The following ZNF385D variants were observed in gnomAD, a reference collection of about 807,000 sequenced individuals.
The protein encoded by ZNF385D is zinc finger protein 659.
A neutral mutation model predicts 35.8 loss-of-function variants in ZNF385D; 15 were observed. That is an observed-to-expected ratio of 0.42 (90% CI 0.28 to 0.64). ZNF385D has a LOEUF of 0.64. Ranked by LOEUF, ZNF385D falls within the 30% of genes least tolerant of loss-of-function variation. The pLI is 0.23. For synonymous variants in ZNF385D, 212 were observed against 186.8 expected, an observed-to-expected ratio of 1.13 and a Z score of -1.10; for missense variants, 474 against 494.6, an observed-to-expected ratio of 0.96 and a Z score of 0.39.
chr3:21,455,663 G>C (rs1191475909), intron 4 of ZNF385D, among the ~76,000 whole-genome samples: 1 of 152,080 alleles, frequency 6.6e-6, no homozygotes, highest in Non-Finnish European at 1.5e-5. Flanking sequence ...TACCATTCAG[G>C]ACATAGGCAT....
rs116304575 is a variant in ZNF385D at position 22,046,906 on chromosome 3, A to G, written c.325+121911T>C. Among the ~76,000 whole-genome samples the G allele has an allele frequency of 2.5e-3, 381 of 152,284 alleles. 6 individuals carry two copies. Among genetic ancestry groups the G allele is most frequent in the African/African-American group, 8.9e-3 (369 of 41,584 alleles). ...GAAAATATGAAATCAGAAACACTTTATACTATACTATATAAGATTCATTAG... is the reference window on the plus strand; with the variant it reads ...GAAAATATGAAATCAGAAACACTTTGTACTATACTATATAAGATTCATTAG... On this transcript the variant is annotated intron_variant, in intron 3 of 5. Transcript: ENST00000494108.
chr3:21,905,205 CAA>C (rs63147760), intron 3 of ZNF385D, among the ~76,000 whole-genome samples: 52 of 69,718 alleles, frequency 7.5e-4, no homozygotes, highest in South Asian at 4.0e-3. Flanking sequence ...ACAAAAAATC[CAA>C]AAAAAAAAAA....
At chr3:22,329,031 C>G (rs1487638605) in intron 2 of ZNF385D, among the ~76,000 whole-genome samples, 1 of 145,250 alleles carries the variant, frequency 6.9e-6, no homozygotes. Flanking sequence ...GAGCCGAGAT[C>G]GCGCCACTGC....
intron 3 of ZNF385D, among the ~76,000 whole-genome samples, chr3:21,826,299 C>T (rs759009799): frequency 2.0e-5 from 3 of 152,140 alleles, no homozygotes; most frequent in Non-Finnish European, 2.9e-5. Flanking sequence ...ACCGCAATCC[C>T]CAACCTGATT....
At chr3:22,088,026 CT>C (rs1701135734) in intron 3 of ZNF385D, among the ~76,000 whole-genome samples, 1 of 152,154 alleles carries the variant, frequency 6.6e-6, no homozygotes, top group Non-Finnish European at 1.5e-5. Flanking sequence ...GCTGTTGACA[CT>C]CAAAATCGGA....
At chr3:21,734,996 C>A (rs547005176) in intron 1 of ZNF385D, among the ~76,000 whole-genome samples, 11 of 152,270 alleles carry the variant, frequency 7.2e-5, no homozygotes, top group African/African-American at 2.6e-4. Flanking sequence ...ATTGCTCCAA[C>A]AAGTTCCACC....
chr3:21,488,338 G>GACAC (rs1343710646), intron 4 of ZNF385D, among the ~76,000 whole-genome samples: 1 of 71,176 alleles, frequency 1.4e-5, no homozygotes, highest in African/African-American at 6.4e-5. Flanking sequence ...GCTACACACA[G>GACAC]ACACACAGAC....
intron 3 of ZNF385D, among the ~76,000 whole-genome samples, chr3:21,972,260 C>A (rs1424795319): frequency 6.6e-6 from 1 of 151,820 alleles, no homozygotes; most frequent in East Asian, 1.9e-4. Flanking sequence ...TCTTTGACCA[C>A]AATGGAATAA....
intron 2 of ZNF385D, among the ~76,000 whole-genome samples, chr3:21,580,807 G>GTA (rs71044926): frequency 0.11 from 16,086 of 150,776 alleles, 905 homozygotes; most frequent in South Asian, 0.16. Context: ...CTATGTGTGT[G>GTA]TATATATATA....
upstream of ZNF385D, among the ~76,000 whole-genome samples, chr3:21,755,276 A>T (rs1352124621): frequency 6.6e-6 from 1 of 152,178 alleles, no homozygotes; most frequent in Non-Finnish European, 1.5e-5. Flanking sequence ...TCTCCATATT[A>T]GATCCATTAT....
intron 2 of ZNF385D, among the ~76,000 whole-genome samples, chr3:21,615,234 A>G (rs1418261036): frequency 6.6e-6 from 1 of 152,072 alleles, no homozygotes; most frequent in African/African-American, 2.4e-5. Context: ...AGGGACCTCC[A>G]TCCTCTCGCT....
chr3:21,665,723 A>C (rs751136255), intron 1 of ZNF385D, among the ~76,000 whole-genome samples: 36 of 152,128 alleles, frequency 2.4e-4, no homozygotes, highest in Non-Finnish European at 4.9e-4. Context: ...GCCAACAAAG[A>C]CATCCCCTTT....
At chr3:21,600,358 C>T (rs2064248345) in intron 2 of ZNF385D, among the ~76,000 whole-genome samples, 1 of 152,096 alleles carries the variant, frequency 6.6e-6, no homozygotes, top group Non-Finnish European at 1.5e-5. Context: ...TGTTGTAATA[C>T]TCCCATTATT....
intron 3 of ZNF385D, among the ~76,000 whole-genome samples, chr3:22,011,324 G>C (rs1378097074): frequency 6.6e-6 from 1 of 152,060 alleles, no homozygotes; most frequent in African/African-American, 2.4e-5. Flanking sequence ...AAAAGATCAT[G>C]CTTATTTTCC....
chr3:22,283,212 T>C (rs867875199), intron 2 of ZNF385D, among the ~76,000 whole-genome samples: 2 of 151,944 alleles, frequency 1.3e-5, no homozygotes, highest in East Asian at 1.9e-4. Context: ...AGAAATGAGA[T>C]AGACAGCAAA....
At chr3:22,179,153 G>T (rs141505037) in intron 2 of ZNF385D, among the ~76,000 whole-genome samples, 4,191 of 152,168 alleles carry the variant, frequency 0.028, 193 homozygotes, top group African/African-American at 0.095. Flanking sequence ...GGGATGGCAT[G>T]GAATCTATAA....
intron 3 of ZNF385D, among the ~76,000 whole-genome samples, chr3:22,025,219 C>A (rs560615083): frequency 6.6e-6 from 1 of 152,302 alleles, no homozygotes; most frequent in South Asian, 2.1e-4. Flanking sequence ...AGCCTTTCCA[C>A]TTCTGTCTAA....
intron 2 of ZNF385D, among the ~76,000 whole-genome samples, chr3:21,639,032 G>C (rs1004912964): frequency 6.6e-6 from 1 of 151,998 alleles, no homozygotes; most frequent in Non-Finnish European, 1.5e-5. Context: ...ACATCAAAAA[G>C]AGCAACTCTA....
At chr3:21,710,595 T>C (rs2068065168) in intron 1 of ZNF385D, among the ~76,000 whole-genome samples, 1 of 152,218 alleles carries the variant, frequency 6.6e-6, no homozygotes, top group Non-Finnish European at 1.5e-5. Flanking sequence ...TCGCATTTTC[T>C]CAGCTTTGAT....
Sources: gnomAD v4.1 joint callset for allele counts (sites outside exome capture counted in the v4.1 genomes callset) on GRCh38, gnomAD v4.1.1 for gene constraint, MANE v1.5 for transcripts, NCBI Gene and HGNC (gene_info 2026-07-23, HGNC 2026-07-21) for gene names.